SH3RF3: variants seen among roughly 807,000 people sequenced by gnomAD.
SH3RF3 encodes the protein SH3 domain containing ring finger 3.
SH3RF3 carries 29 observed loss-of-function variants against 66.3 expected under a neutral mutation model. That is an observed-to-expected ratio of 0.44 (90% confidence interval 0.33 to 0.60). The LOEUF is 0.60. Among genes scored for constraint, SH3RF3 ranks in the 20% least tolerant of loss-of-function variants. The pLI, the probability that SH3RF3 is intolerant of heterozygous loss-of-function variation, is 0.04. For missense variants in SH3RF3, 1,194 were observed against 1,190.9 expected (o/e 1.00, Z -0.04); for synonymous variants, 583 against 532.0 (o/e 1.10, Z -1.32).
At chr2:109,372,776 G>A (rs1318936905) in intron 3 of SH3RF3, among the ~76,000 whole-genome samples, 1 of 152,100 alleles carries the variant, frequency 6.6e-6, no homozygotes, top group Non-Finnish European at 1.5e-5. Flanking sequence ...CTCAGTGCTG[G>A]GCTCCATGTG....
intron 1 of SH3RF3, among the ~76,000 whole-genome samples, chr2:109,281,995 A>G (rs917418352): frequency 2.0e-5 from 3 of 152,020 alleles, no homozygotes; most frequent in Admixed American, 2.0e-4. Context: ...GGCTTTCGGG[A>G]TGCTCCAGGG....
intron 9 of SH3RF3, among the ~76,000 whole-genome samples, chr2:109,495,570 C>T (rs1193341025): frequency 6.9e-6 from 1 of 145,020 alleles, no homozygotes; most frequent in African/African-American, 2.5e-5. Flanking sequence ...CCCACTGCAA[C>T]CTCCGCCTCC....
intron 7 of SH3RF3, among the ~76,000 whole-genome samples, chr2:109,443,857 T>G (rs970227051): frequency 6.6e-6 from 1 of 152,190 alleles, no homozygotes; most frequent in African/African-American, 2.4e-5. Flanking sequence ...TGGTAAAAAT[T>G]TAAAACATTA....
intron 8 of SH3RF3, among the ~76,000 whole-genome samples, chr2:109,483,066 A>G (rs1016411336): frequency 6.6e-6 from 1 of 152,140 alleles, no homozygotes; most frequent in Non-Finnish European, 1.5e-5. Flanking sequence ...CCCTCTCTAA[A>G]AATGCGTTGC....
rs1680632536 is a variant in SH3RF3, at chr2:109,271,814, T to A, written c.574-75860T>A. On this transcript the variant is annotated intron_variant, in intron 1 of 9. Transcript: ENST00000309415. ...ATGTATCTGACTATCTTTAAAATGCTGTACAAATCTGAATTGAATATAAGT... is the reference window on the plus strand; with the variant it reads ...ATGTATCTGACTATCTTTAAAATGCAGTACAAATCTGAATTGAATATAAGT... Among the ~76,000 whole-genome samples, 5 of 152,384 alleles carry A rather than the reference T, an allele frequency of 3.3e-5. No homozygotes were observed. The South Asian group carries it at 1.0e-3, about 32-fold the overall frequency.
intron 8 of SH3RF3, among the ~76,000 whole-genome samples, chr2:109,475,855 G>A (rs1678668147): frequency 6.6e-6 from 1 of 152,202 alleles, no homozygotes; most frequent in African/African-American, 2.4e-5. Context: ...CTTGGGCTAT[G>A]CTGATATTGA....
chr2:109,206,490 C>CAAAA (rs36060217), intron 1 of SH3RF3, among the ~76,000 whole-genome samples: 30 of 40,724 alleles, frequency 7.4e-4, no homozygotes, highest in African/African-American at 8.9e-4. Context: ...GACTCCGTCT[C>CAAAA]AAAAAAAAAA....
At chr2:109,305,765 T>C (rs1681578093) in intron 1 of SH3RF3, among the ~76,000 whole-genome samples, 1 of 152,234 alleles carries the variant, frequency 6.6e-6, no homozygotes, top group Admixed American at 6.5e-5. Flanking sequence ...TGCGGTTCCC[T>C]GAGACAGATG....
At chr2:109,279,945 G>A (rs1558998524) in intron 1 of SH3RF3, among the ~76,000 whole-genome samples, 1 of 152,024 alleles carries the variant, frequency 6.6e-6, no homozygotes, top group Non-Finnish European at 1.5e-5. Flanking sequence ...GGTGGAGGGT[G>A]AGGGGTGAGA....
chr2:109,227,799 A>G (rs1407640571), intron 1 of SH3RF3, among the ~76,000 whole-genome samples: 2 of 152,152 alleles, frequency 1.3e-5, no homozygotes, highest in East Asian at 3.8e-4. Flanking sequence ...ACTGGAGTCA[A>G]CACTTCCTTT....
intron 9 of SH3RF3, among the ~76,000 whole-genome samples, chr2:109,497,685 C>G (rs1300570490): frequency 1.3e-5 from 2 of 152,198 alleles, no homozygotes; most frequent in Non-Finnish European, 2.9e-5. Context: ...AGCTCAGAGT[C>G]TTGGAATGAT....
chr2:109,133,863 T>C (rs910807599), intron 1 of SH3RF3, among the ~76,000 whole-genome samples: 3 of 152,094 alleles, frequency 2.0e-5, no homozygotes, highest in African/African-American at 7.2e-5. Context: ...AGCACAGGCT[T>C]CCCCAGGCAG....
intron 7 of SH3RF3, among the ~76,000 whole-genome samples, chr2:109,445,523 G>T (rs927195275): frequency 1.3e-5 from 2 of 152,186 alleles, no homozygotes; most frequent in Non-Finnish European, 2.9e-5. Flanking sequence ...TAAGTGTAAA[G>T]AAAAATGGGA....
intron 8 of SH3RF3, among the ~76,000 whole-genome samples, chr2:109,457,629 G>A (rs1277528945): frequency 6.6e-6 from 1 of 152,208 alleles, no homozygotes; most frequent in African/African-American, 2.4e-5. Context: ...TGCATGGCCG[G>A]GAGCCCCGGC....
At chr2:109,373,922 G>T (rs977105163) in intron 3 of SH3RF3, among the ~76,000 whole-genome samples, 1 of 152,102 alleles carries the variant, frequency 6.6e-6, no homozygotes, top group African/African-American at 2.4e-5. Flanking sequence ...GCAAGCAGGT[G>T]CAGGCCCGAG....
intron 4 of SH3RF3, among the ~76,000 whole-genome samples, chr2:109,415,714 T>G (rs1676706297): frequency 6.6e-6 from 1 of 152,170 alleles, no homozygotes; most frequent in Non-Finnish European, 1.5e-5. Context: ...GTGGGGATAC[T>G]GCCCCCTTTG....
Position 109,376,941 on chromosome 2 carries a change from A to G in SH3RF3, c.945+5260A>G, listed in dbSNP as rs563271513. On this transcript the variant is annotated intron_variant, in intron 3 of 9. Coordinates refer to ENST00000309415, the MANE Select transcript of SH3RF3 (RefSeq NM_001099289.3). ...ATAGACCCTAGTCTGCAATGTGAGG[A>G]CAGACAGAGATGGGGTGCGGAGCAC... 5.4e-4 allele frequency among the ~76,000 whole-genome samples: 82 copies of G among 152,370 alleles called. 3 individuals carry two copies. In the South Asian group the frequency reaches 0.017, roughly 31 times the overall value.
At chr2:109,379,875 T>C (rs1047317627) in intron 3 of SH3RF3, among the ~76,000 whole-genome samples, 10 of 151,708 alleles carry the variant, frequency 6.6e-5, no homozygotes, top group South Asian at 4.2e-4. Flanking sequence ...TCTCCTGGAG[T>C]GTGATGTTGT....
chr2:109,367,787 A>G (rs1444562857), intron 2 of SH3RF3, among the ~76,000 whole-genome samples: 1 of 152,188 alleles, frequency 6.6e-6, no homozygotes, highest in African/African-American at 2.4e-5. Flanking sequence ...CTTTCTGCAC[A>G]CTTGATTTTT....
Sources: gnomAD v4.1 joint callset for allele counts (sites outside exome capture counted in the v4.1 genomes callset) on GRCh38, gnomAD v4.1.1 for gene constraint, MANE v1.5 for transcripts, NCBI Gene and HGNC (gene_info 2026-07-23, HGNC 2026-07-21) for gene names.